The following SLC25A31 variants were observed in gnomAD, a reference collection of about 807,000 sequenced individuals.
The protein encoded by SLC25A31 is ADP/ATP translocase 4.
Under a neutral mutation model 36.2 loss-of-function variants are expected in SLC25A31, and 40 were observed. The observed-to-expected ratio is 1.10, with a 90% CI of 0.86 to 1.44. The LOEUF (loss-of-function observed/expected upper bound fraction) is 1.44, where lower values mean the gene tolerates loss of function less well. SLC25A31 is among the 40% of genes most tolerant of loss of function. The pLI, the probability that SLC25A31 is intolerant of heterozygous loss-of-function variation, is 0.00. For synonymous variants in SLC25A31, 143 were observed against 149.7 expected, an observed-to-expected ratio of 0.96 and a Z score of 0.32; for missense variants, 350 against 397.1, an observed-to-expected ratio of 0.88 and a Z score of 1.01.
intron 5 of SLC25A31, among the ~76,000 whole-genome samples, chr4:127,770,703 C>G (rs144861062): frequency 6.6e-6 from 1 of 151,696 alleles, no homozygotes; most frequent in Admixed American, 6.6e-5. Context: ...AATCTCACAA[C>G]AGTACAGAAA....
intron 1 of SLC25A31, among the ~76,000 whole-genome samples, chr4:127,732,857 A>G (rs954621915): frequency 1.1e-4 from 16 of 151,630 alleles, no homozygotes; most frequent in Admixed American, 2.6e-4. Flanking sequence ...TTGTGGGGCA[A>G]TTTTTTTTTA....
At chr4:127,766,552 C>T (rs1385231684) in intron 3 of SLC25A31, among the ~76,000 whole-genome samples, 1 of 152,038 alleles carries the variant, frequency 6.6e-6, no homozygotes, top group African/African-American at 2.4e-5. Flanking sequence ...GGCTGGAGTA[C>T]GGTGGCACAA....
At chr4:127,773,199 T>G (rs1407143389) in intron 5 of SLC25A31, among the ~76,000 whole-genome samples, 187 bp from the exon 6 acceptor site, 1 of 152,162 alleles carries the variant, frequency 6.6e-6, no homozygotes, top group Non-Finnish European at 1.5e-5. Context: ...TAATGTATGG[T>G]CAGTTTTCAA....
Position 127,764,279 on chromosome 4 carries a change from G to A in SLC25A31, c.397G>A (p.Gly133Arg), listed in dbSNP as rs1732197207. 5.0e-6 allele frequency: 8 copies of A among 1,613,834 alleles called. No individual in the cohort carries two copies. Among genetic ancestry groups the A allele is most frequent in the Non-Finnish European group, 6.8e-6 (8 of 1,179,840 alleles). The stretch of plus-strand genomic sequence containing the variant: ...GTTTTTGGCAAACCTGGCTTCTGGT[G>A]GAGCTGCTGGGGCAACATCCTTATG... Reference protein sequence around the residue: ...RWFLANLASGGAAGATSLCVV... With the variant: ...RWFLANLASGRAAGATSLCVV... The change falls in exon 3 of 6, where the codon GGA becomes AGA. Residue 133 changes from glycine to arginine, a missense_variant. Gly to Arg is a moderately radical substitution (Grantham distance 125, BLOSUM62 -2). Transcript: ENST00000281154.
At chr4:127,769,739 G>C (rs1203692361) in intron 5 of SLC25A31, among the ~76,000 whole-genome samples, 1 of 152,150 alleles carries the variant, frequency 6.6e-6, no homozygotes, top group Admixed American at 6.5e-5. Context: ...ACATAGAGGA[G>C]GGTTGCCCAA....
chr4:127,764,823 A>G (rs573730433), intron 3 of SLC25A31, among the ~76,000 whole-genome samples: 1 of 152,170 alleles, frequency 6.6e-6, no homozygotes, highest in Non-Finnish European at 1.5e-5. Flanking sequence ...GTGAAAAAAA[A>G]TAAATTGAGC....
At chr4:127,740,098 C>T (rs749433344) in intron 1 of SLC25A31, among the ~76,000 whole-genome samples, 15 of 152,040 alleles carry the variant, frequency 9.9e-5, no homozygotes, top group Non-Finnish European at 1.8e-4. Flanking sequence ...ATTGCTTGAC[C>T]GCTAGTGTGA....
intron 4 of SLC25A31, 48 bp downstream of exon 4, chr4:127,767,268 T>A: frequency 1.5e-6 from 2 of 1,351,698 alleles, no homozygotes; most frequent in Non-Finnish European, 2.0e-6. Context: ...TGGTTTCCAT[T>A]TATTTAATTA....
intron 2 of SLC25A31, among the ~76,000 whole-genome samples, chr4:127,761,916 C>T (rs1578668813): frequency 6.6e-6 from 1 of 152,184 alleles, no homozygotes; most frequent in African/African-American, 2.4e-5. Context: ...GGTTACCAAT[C>T]ATCTACTACA....
intron 1 of SLC25A31, among the ~76,000 whole-genome samples, chr4:127,741,884 A>G (rs1275854330): frequency 6.6e-6 from 1 of 152,138 alleles, no homozygotes; most frequent in African/African-American, 2.4e-5. Flanking sequence ...AAATTTATCA[A>G]TTTCATATAT....
intron 2 of SLC25A31, among the ~76,000 whole-genome samples, chr4:127,750,731 C>T (rs1218211112): frequency 6.6e-6 from 1 of 150,816 alleles, no homozygotes; most frequent in Non-Finnish European, 1.5e-5. Context: ...CCCATGATAA[C>T]CATAAAGTTA....
intron 5 of SLC25A31, among the ~76,000 whole-genome samples, chr4:127,772,330 C>T (rs1364613746): frequency 1.3e-5 from 2 of 152,172 alleles, no homozygotes; most frequent in African/African-American, 4.8e-5. Flanking sequence ...TTTCTTATGA[C>T]TTAAAAATAA....
At chr4:127,736,688 C>G (rs545116657) in intron 1 of SLC25A31, among the ~76,000 whole-genome samples, 23 of 152,178 alleles carry the variant, frequency 1.5e-4, no homozygotes, top group Admixed American at 5.9e-4. Context: ...CAGTGGTATA[C>G]TGGTATAATA....
intron 1 of SLC25A31, among the ~76,000 whole-genome samples, chr4:127,743,130 C>CTTTTTTT (rs57035802): frequency 7.8e-6 from 1 of 128,064 alleles, no homozygotes; most frequent in African/African-American, 2.9e-5. Context: ...TTTTTCTTTT[C>CTTTTTTT]TTTTTTTTTT....
intron 2 of SLC25A31, among the ~76,000 whole-genome samples, chr4:127,752,338 A>G (rs1280467350): frequency 6.6e-6 from 1 of 150,822 alleles, no homozygotes; most frequent in Non-Finnish European, 1.5e-5. Context: ...CAAACACCGC[A>G]TGTTCTCACT....
intron 1 of SLC25A31, among the ~76,000 whole-genome samples, chr4:127,735,235 T>C (rs777420190): frequency 6.6e-6 from 1 of 152,302 alleles, no homozygotes; most frequent in East Asian, 1.9e-4. Flanking sequence ...ATTTGAAATA[T>C]AGATTCCTAT....
At chr4:127,732,979 A>G (rs892502114) in intron 1 of SLC25A31, among the ~76,000 whole-genome samples, 1 of 152,222 alleles carries the variant, frequency 6.6e-6, no homozygotes, top group African/African-American at 2.4e-5. Context: ...CATGATGAAG[A>G]TTTATCCCGC....
Position 127,773,851 on chromosome 4 carries a change from A to G in SLC25A31, c.*277A>G. The G allele has an allele frequency of 4.2e-6, 1 of 237,890 alleles. No homozygotes were observed. The highest frequency in any genetic ancestry group is 8.0e-6 in the Non-Finnish European group (1 of 125,094). 14.7% of individuals were successfully genotyped at this position (237,890 alleles called of 1,614,324 possible). ...AGTTTAAAATTCTTTTTATGATTAAAAATTAATCATATAATCCTAGATTAA... is the reference window on the plus strand; with the variant it reads ...AGTTTAAAATTCTTTTTATGATTAAGAATTAATCATATAATCCTAGATTAA... On this transcript the variant is annotated 3_prime_UTR_variant, in exon 6 of 6. Coordinates refer to ENST00000281154, the MANE Select transcript of SLC25A31 (RefSeq NM_031291.4).
At chr4:127,748,409 G>A (rs182007430) in intron 2 of SLC25A31, among the ~76,000 whole-genome samples, 1 of 152,166 alleles carries the variant, frequency 6.6e-6, no homozygotes, top group East Asian at 1.9e-4. Flanking sequence ...CCTGTGACTT[G>A]GTTCCAGCCC....
Sources: allele counts gnomAD v4.1 joint callset (sites outside exome capture counted in the v4.1 genomes callset), GRCh38; gene constraint gnomAD v4.1.1; transcripts MANE v1.5; gene names NCBI Gene and HGNC (gene_info 2026-07-23, HGNC 2026-07-21).